The following MCM6 variants were observed in gnomAD, a reference collection of about 807,000 sequenced individuals.
MCM6 encodes the protein DNA replication licensing factor MCM6.
In MCM6, 46 loss-of-function variants were observed where a neutral mutation model predicts 94.3. That is an observed-to-expected ratio of 0.49 (90% CI 0.39 to 0.62). The LOEUF is 0.62. Among genes scored for constraint, MCM6 ranks in the 20% least tolerant of loss-of-function variants. The pLI, the probability that MCM6 is intolerant of heterozygous loss-of-function variation, is 0.00. For missense variants in MCM6, 865 were observed against 1,017.9 expected, an observed-to-expected ratio of 0.85 and a Z score of 2.04; for synonymous variants, 335 against 351.9, an observed-to-expected ratio of 0.95 and a Z score of 0.54.
intron 12 of MCM6, among the ~76,000 whole-genome samples, chr2:135,852,292 T>C (rs1003848145): frequency 1.3e-5 from 2 of 152,150 alleles, no homozygotes; most frequent in Non-Finnish European, 2.9e-5. Flanking sequence ...CATACCCTAT[T>C]TTGGGAAAAT....
At chr2:135,858,902 G>GT (rs1277522639) in intron 9 of MCM6, among the ~76,000 whole-genome samples, 1 of 151,734 alleles carries the variant, frequency 6.6e-6, no homozygotes, top group Non-Finnish European at 1.5e-5. Context: ...TTTTGTTTTG[G>GT]TTTTTTTGAG....
At chr2:135,875,997 A>C (rs1439898998) in intron 1 of MCM6, among the ~76,000 whole-genome samples, 1 of 152,188 alleles carries the variant, frequency 6.6e-6, no homozygotes, top group African/African-American at 2.4e-5. Context: ...GGTGGTGAGC[A>C]TCAAGTGACA....
chr2:135,869,112 A>G (rs1680154478), intron 3 of MCM6, among the ~76,000 whole-genome samples: 2 of 152,142 alleles, frequency 1.3e-5, no homozygotes, highest in South Asian at 2.1e-4. Flanking sequence ...AAAATTATAA[A>G]ACAGAACGGG....
At chr2:135,859,761 C>T (rs1679955316) in intron 8 of MCM6, among the ~76,000 whole-genome samples, 1 of 151,972 alleles carries the variant, frequency 6.6e-6, no homozygotes, top group African/African-American at 2.4e-5. Flanking sequence ...GGCCATCACG[C>T]CTGGCTAATT....
In MCM6 at chr2:135,858,082, T is replaced by C. The variant is rs542920677; in HGVS notation, c.1363-78A>G. The C allele has an allele frequency of 1.7e-5, 23 of 1,348,164 alleles. No individual in the cohort carries two copies. The East Asian group carries it at 5.3e-4, about 31-fold the overall frequency. 83.5% of individuals were successfully genotyped at this position (1,348,164 alleles called of 1,614,324 possible). On this transcript the variant is annotated intron_variant, in intron 9 of 16. Transcript: ENST00000264156. ...GCTCACACTTGTAATCCCAGCACTT[T>C]GGGAGGCCAAGGCAGGAAGAACGCT...
chr2:135,862,196 T>C (rs984949816), intron 8 of MCM6, among the ~76,000 whole-genome samples: 1 of 151,956 alleles, frequency 6.6e-6, no homozygotes, highest in African/African-American at 2.4e-5. Flanking sequence ...AAAATGTTTA[T>C]AGAAAATTGA....
intron 4 of MCM6, among the ~76,000 whole-genome samples, chr2:135,868,363 T>A (rs1329741711): frequency 1.3e-5 from 2 of 152,252 alleles, no homozygotes; most frequent in East Asian, 3.8e-4. Context: ...CTAGTTACCA[T>A]TTATTCTTTG....
intron 2 of MCM6, among the ~76,000 whole-genome samples, chr2:135,870,774 T>C (rs1490594223): frequency 1.3e-5 from 2 of 152,166 alleles, no homozygotes; most frequent in African/African-American, 4.8e-5. Context: ...TGAGACAAGG[T>C]CTCACTCTGT....
chr2:135,842,843 AG>A (rs1358137216), intron 16 of MCM6, among the ~76,000 whole-genome samples: 1 of 152,110 alleles, frequency 6.6e-6, no homozygotes, highest in Non-Finnish European at 1.5e-5. Flanking sequence ...TAGGTGAATG[AG>A]GGGACAGGGG....
chr2:135,854,604 G>A (rs1679840465), intron 11 of MCM6, among the ~76,000 whole-genome samples: 1 of 151,162 alleles, frequency 6.6e-6, no homozygotes, highest in Non-Finnish European at 1.5e-5. Flanking sequence ...CAGGTATGGT[G>A]GCACATGCCT....
At position 135,842,704 on chromosome 2, in the gene MCM6, T is replaced by C. The variant is rs1444502531; in HGVS notation, c.2350-1753A>G. Among the ~76,000 whole-genome samples, 5 of 152,064 alleles carry C rather than the reference T, an allele frequency of 3.3e-5. No homozygotes were observed. The East Asian group carries it at 5.8e-4, about 18-fold the overall frequency. On this transcript the variant is annotated intron_variant, in intron 16 of 16. Coordinates refer to ENST00000264156, the MANE Select transcript of MCM6 (RefSeq NM_005915.6). ...TGAAGAGGTAACATTTGAGCAGACA[T>C]TGGAGAGGAGGAGGATATCTAGGGA...
chr2:135,854,737 A>G lies in MCM6; in HGVS notation c.1627-1822T>C, dbSNP rs1309786832. Among the ~76,000 whole-genome samples, 6 of 151,462 alleles carry G rather than the reference A, an allele frequency of 4.0e-5. No individual in the cohort carries two copies. The East Asian group carries it at 9.8e-4, about 25-fold the overall frequency. On this transcript the variant is annotated intron_variant, in intron 11 of 16. Transcript: ENST00000264156. ...AAAACTCAAAAGTCAGCCAGACACA[A>G]TGGTGTACATGTGTGGTCCCAGCTA...
intron 1 of MCM6, among the ~76,000 whole-genome samples, chr2:135,875,400 C>A (rs146079584): frequency 4.5e-4 from 69 of 151,884 alleles, no homozygotes; most frequent in African/African-American, 1.6e-3. Flanking sequence ...AGAGTGGTGA[C>A]GGCTGCACAA....
chr2:135,859,182 C>T (rs537707375), intron 9 of MCM6, 119 bp downstream of exon 9: 22 of 797,152 alleles, frequency 2.8e-5, no homozygotes, highest in East Asian at 8.4e-5. Flanking sequence ...TGTGAGCCAC[C>T]GCGCCCAGCT....
intron 3 of MCM6, among the ~76,000 whole-genome samples, chr2:135,869,226 C>A (rs1680156595): frequency 6.6e-6 from 1 of 152,062 alleles, no homozygotes; most frequent in Non-Finnish European, 1.5e-5. Context: ...CATGGCGAAA[C>A]CCCACCTCTA....
intron 14 of MCM6, among the ~76,000 whole-genome samples, chr2:135,846,996 C>T (rs1575358212): frequency 6.6e-6 from 1 of 151,060 alleles, no homozygotes; most frequent in East Asian, 1.9e-4. Context: ...AAAAGCAAAA[C>T]TCCATCTCAA....
At position 135,846,240 on chromosome 2, in the gene MCM6, C is replaced by T. The variant is rs1400260109; in HGVS notation, c.2206G>A (p.Glu736Lys). The T allele has an allele frequency of 6.2e-7, 1 of 1,613,938 alleles. No individual in the cohort carries two copies. The highest frequency in any genetic ancestry group is 2.2e-5 in the East Asian group (1 of 44,890). ...AGCAGTACCAGGTAAGCCTCACCTTCTTCCACCTTTCTGAGGTGAAGCACA... is the reference window on the plus strand; with the variant it reads ...AGCAGTACCAGGTAAGCCTCACCTTTTTCCACCTTTCTGAGGTGAAGCACA... Reference protein sequence around the residue: ...LIVLHLRKVEEEEDESALKRS... With the variant: ...LIVLHLRKVEKEEDESALKRS... The change falls in exon 15 of 17, where the codon GAA (glutamate) becomes AAA (lysine). Residue 736 changes from glutamate (E) to lysine (K), a missense_variant. Transcript: ENST00000264156.
intron 1 of MCM6, among the ~76,000 whole-genome samples, chr2:135,875,707 G>A (rs1680281990): frequency 6.6e-6 from 1 of 152,178 alleles, no homozygotes; most frequent in African/African-American, 2.4e-5. Context: ...GAAGGGATAT[G>A]GTGAGCTACT....
intron 2 of MCM6, among the ~76,000 whole-genome samples, chr2:135,870,932 T>C (rs770314657): frequency 4.6e-5 from 7 of 152,266 alleles, no homozygotes; most frequent in Non-Finnish European, 8.8e-5. Context: ...GGGGTTTTTT[T>C]TGTAGAAATG....
Sources: gnomAD v4.1 joint callset for allele counts (sites outside exome capture counted in the v4.1 genomes callset) on GRCh38, gnomAD v4.1.1 for gene constraint, MANE v1.5 for transcripts, NCBI Gene and HGNC (gene_info 2026-07-23, HGNC 2026-07-21) for gene names.